CD40LG: variants seen among roughly 807,000 people sequenced by gnomAD.
CD40LG encodes CD40 ligand.
Under a neutral mutation model 17.2 loss-of-function variants are expected in CD40LG, and 1 was observed. The ratio of observed to expected loss-of-function variants is 0.06; its 90% CI spans 0.02 to 0.28. CD40LG has a LOEUF of 0.28. Ranked by LOEUF, CD40LG falls within the 10% of genes least tolerant of loss-of-function variation. CD40LG has a pLI of 1.00. For missense variants in CD40LG, 133 were observed against 193.2 expected (o/e 0.69, Z 1.85); for synonymous variants, 66 against 74.4 (o/e 0.89, Z 0.58).
Position 136,659,528 on chromosome X carries a change from T to C in CD40LG, c.*113T>C. ...CCTATTTATAACCCTAGGATCCTCCTTATGGAGAACTATTTATTATACACT... is the reference window on the plus strand; with the variant it reads ...CCTATTTATAACCCTAGGATCCTCCCTATGGAGAACTATTTATTATACACT... On this transcript the variant is annotated 3_prime_UTR_variant, in exon 5 of 5. Transcript: ENST00000370629. The C allele has an allele frequency of 1.3e-6, 1 of 784,348 alleles. No individual in the cohort carries two copies. The highest frequency in any genetic ancestry group is 2.3e-5 in the South Asian group (1 of 42,614). 64.6% of individuals were successfully genotyped at this position (784,348 alleles called of 1,213,427 possible). A position where few individuals can be genotyped will look rare whatever the true frequency, so the allele number is the denominator to read the frequency against.
chrX:136,652,925 T>A (rs1046694072), intron 2 of CD40LG, among the ~76,000 whole-genome samples: 2 of 110,053 alleles, frequency 1.8e-5, no homozygotes, highest in Non-Finnish European at 3.8e-5. Context: ...AAAAAGTATT[T>A]CAGTTGAGGT....
At chrX:136,655,705 A>C (rs2076117233) in intron 3 of CD40LG, among the ~76,000 whole-genome samples, 1 of 112,304 alleles carries the variant, frequency 8.9e-6, no homozygotes, top group Non-Finnish European at 1.9e-5. Flanking sequence ...AATTACAGAG[A>C]AATCTGAGGA....
intron 1 of CD40LG, among the ~76,000 whole-genome samples, chrX:136,648,622 C>T (rs1343916024): frequency 9.0e-6 from 1 of 111,705 alleles, no homozygotes; most frequent in Non-Finnish European, 1.9e-5. Flanking sequence ...TGGCTCTGCC[C>T]ATACCATCTC....
chrX:136,660,143 C>A lies in CD40LG; in HGVS notation c.*728C>A, dbSNP rs2076132178. ...ACACACACACACACACACACACACA[C>A]ACACACACACACACAGAGTCAGGCC... On this transcript the variant is annotated 3_prime_UTR_variant, in exon 5 of 5. Coordinates refer to ENST00000370629, the MANE Select transcript of CD40LG (RefSeq NM_000074.3). The A allele has an allele frequency of 9.7e-6, 1 of 102,574 alleles. No individual in the cohort carries two copies. Among genetic ancestry groups the A allele is most frequent in the African/African-American group, 3.8e-5 (1 of 26,525 alleles). 8.5% of individuals were successfully genotyped at this position (102,574 alleles called of 1,213,427 possible). A position where few individuals can be genotyped will look rare whatever the true frequency, so the allele number is the denominator to read the frequency against.
At chrX:136,651,121 G>T (rs1317778628) in intron 2 of CD40LG, among the ~76,000 whole-genome samples, 3 of 111,469 alleles carry the variant, frequency 2.7e-5, no homozygotes, top group Non-Finnish European at 5.7e-5. Context: ...CCTAAAACAA[G>T]AATTTTTAGA....
intron 2 of CD40LG, 99 bp downstream of exon 2, chrX:136,650,496 GAC>G: frequency 1.4e-6 from 1 of 735,103 alleles, no homozygotes; most frequent in Middle Eastern, 3.5e-4. Context: ...ATTGGTTATA[GAC>G]ACAGACACAC....
chrX:136,649,913 G>A (rs751633282), intron 1 of CD40LG, among the ~76,000 whole-genome samples: 2 of 112,331 alleles, frequency 1.8e-5, no homozygotes, highest in East Asian at 5.6e-4. Context: ...TATTTTCTAG[G>A]CTGATGTTTA....
chrX:136,650,980 T>C (rs1228417192), intron 2 of CD40LG, among the ~76,000 whole-genome samples: 1 of 110,980 alleles, frequency 9.0e-6, no homozygotes, highest in Non-Finnish European at 1.9e-5. Context: ...CCATATAATA[T>C]CACTTGCTCA....
intron 4 of CD40LG, among the ~76,000 whole-genome samples, chrX:136,656,957 C>T (rs1226927825): frequency 8.9e-6 from 1 of 112,518 alleles, no homozygotes; most frequent in East Asian, 2.8e-4. Flanking sequence ...ATCTTTTCAA[C>T]TCTGAACGAT....
At chrX:136,653,933 T>A (rs1375860859) in intron 2 of CD40LG, among the ~76,000 whole-genome samples, 1 of 112,297 alleles carries the variant, frequency 8.9e-6, no homozygotes, top group East Asian at 2.8e-4. Context: ...TATCTTTTCC[T>A]ACAGGATTTC....
intron 4 of CD40LG, among the ~76,000 whole-genome samples, 169 bp downstream of exon 4, chrX:136,656,587 A>G (rs945178257): frequency 2.7e-5 from 3 of 112,407 alleles, no homozygotes; most frequent in African/African-American, 9.7e-5. Flanking sequence ...TCAAATGCAC[A>G]GATGGGACTT....
chrX:136,651,808 A>G (rs970247475), intron 2 of CD40LG, among the ~76,000 whole-genome samples: 1 of 111,893 alleles, frequency 8.9e-6, no homozygotes, highest in African/African-American at 3.3e-5. Context: ...TGTCATCTAT[A>G]ACATGAGAAG....
chrX:136,656,728 T>A (rs1244645058), intron 4 of CD40LG, among the ~76,000 whole-genome samples: 1 of 111,760 alleles, frequency 8.9e-6, no homozygotes, highest in African/African-American at 3.3e-5. Flanking sequence ...TGGCATGTAG[T>A]GACCTCCTGA....
At chrX:136,654,904 G>A (rs1204254677) in intron 3 of CD40LG, among the ~76,000 whole-genome samples, 1 of 110,993 alleles carries the variant, frequency 9.0e-6, no homozygotes, top group African/African-American at 3.3e-5. Flanking sequence ...GAACATCTCA[G>A]GGTTGGAAGA....
chrX:136,656,288 C>A, intron 3 of CD40LG, 68 bp from the exon 4 acceptor site: 1 of 799,944 alleles, frequency 1.3e-6, no homozygotes, highest in Non-Finnish European at 1.9e-6. Flanking sequence ...AGTTGTAGAA[C>A]TGGACCAGAT....
At chrX:136,658,900 G>C (rs1343546711) in intron 4 of CD40LG, 139 bp from the exon 5 acceptor site, 1 of 650,043 alleles carries the variant, frequency 1.5e-6, no homozygotes, top group Non-Finnish European at 2.5e-6. Context: ...GGCTCTGTCT[G>C]ACTCTGAAGC....
At chrX:136,648,632 CTG>C (rs753513359) in intron 1 of CD40LG, among the ~76,000 whole-genome samples, 1 of 111,916 alleles carries the variant, frequency 8.9e-6, no homozygotes, top group Non-Finnish European at 1.9e-5. Flanking sequence ...CATACCATCT[CTG>C]TTATCCTGGG....
Position 136,660,053 on chromosome X carries a change from C to CCCTTT in CD40LG, c.*639_*643dup, listed in dbSNP as rs1265345817. ...TCTCTCTTTCTCAATCTCTCTGTTT[C>CCCTTT]CCTTTGTCAGTCTCTTCCCTCCCCC... On this transcript the variant is annotated 3_prime_UTR_variant, in exon 5 of 5. Coordinates refer to ENST00000370629, the MANE Select transcript of CD40LG (RefSeq NM_000074.3). 9.6e-6 allele frequency: 1 copy of CCCTTT among 104,129 alleles called. No individual in the cohort carries two copies. The highest frequency in any genetic ancestry group is 1.9e-5 in the Non-Finnish European group (1 of 51,639). The allele number at this position is 104,129 out of a possible 1,213,427, so 8.6% of individuals were successfully genotyped here.
intron 2 of CD40LG, among the ~76,000 whole-genome samples, chrX:136,650,882 G>T (rs1348945200): frequency 1.2e-4 from 13 of 111,183 alleles, no homozygotes; most frequent in Non-Finnish European, 1.9e-5. Flanking sequence ...AATTTTAGGT[G>T]TCCTGACAGT....
Sources: allele counts gnomAD v4.1 joint callset (sites outside exome capture counted in the v4.1 genomes callset), GRCh38; gene constraint gnomAD v4.1.1; transcripts MANE v1.5; gene names NCBI Gene and HGNC (gene_info 2026-07-23, HGNC 2026-07-21).